The following CDH13 variants were observed in gnomAD, a reference collection of about 807,000 sequenced individuals.
CDH13 encodes the protein cadherin-13.
Under a neutral mutation model 63.8 loss-of-function variants are expected in CDH13, and 24 were observed. The ratio of observed to expected loss-of-function variants is 0.38; its 90% CI spans 0.27 to 0.53. The LOEUF is 0.53. CDH13 is among the 20% of genes least tolerant of loss of function. The probability of loss-of-function intolerance (pLI) is 0.85; values close to 1 mark genes in which losing one functional copy is unlikely to be tolerated. For missense variants in CDH13, 1,049 were observed against 903.1 expected, an observed-to-expected ratio of 1.16 and a Z score of -2.07; for synonymous variants, 503 against 355.3, an observed-to-expected ratio of 1.42 and a Z score of -4.67.
intron 1 of CDH13, among the ~76,000 whole-genome samples, chr16:82,664,746 G>A (rs1252178290): frequency 1.3e-5 from 2 of 152,180 alleles, no homozygotes; most frequent in East Asian, 3.8e-4. Flanking sequence ...ATGTAAAACT[G>A]AGGGTTTTCT....
At position 83,479,162 on chromosome 16, in the gene CDH13, A is replaced by G. The variant is rs375737985; in HGVS notation, c.782-7315A>G. On this transcript the variant is annotated intron_variant, in intron 6 of 13. Transcript: ENST00000567109. ...ATATGTGCACTCAACAGAAGTATCT[A>G]GGCTTGTCTAAGGGAAGAAAGGAAT... Among the ~76,000 whole-genome samples the G allele has an allele frequency of 6.6e-5, 10 of 152,366 alleles. No homozygotes were observed. In the South Asian group the frequency reaches 1.9e-3, roughly 28 times the overall value.
chr16:82,670,477 A>G (rs10451170), intron 1 of CDH13, among the ~76,000 whole-genome samples: 88,119 of 152,080 alleles, frequency 0.58, 25,704 homozygotes, highest in East Asian at 0.68. Flanking sequence ...AAAAGCTCAC[A>G]TGTAGAAGGA....
intron 2 of CDH13, among the ~76,000 whole-genome samples, chr16:82,942,536 C>T (rs1991023): frequency 0.29 from 44,462 of 151,992 alleles, 7,622 homozygotes; most frequent in African/African-American, 0.47. Context: ...AGCGGATGTG[C>T]CATTTAGGTG....
chr16:83,734,447 T>A (rs905641141), intron 10 of CDH13, among the ~76,000 whole-genome samples: 5 of 151,858 alleles, frequency 3.3e-5, no homozygotes. Context: ...ATGGATGAAA[T>A]TGGAAATCAT....
At chr16:83,472,910 C>A (rs996430708) in intron 6 of CDH13, among the ~76,000 whole-genome samples, 3 of 152,068 alleles carry the variant, frequency 2.0e-5, no homozygotes, top group Non-Finnish European at 4.4e-5. Context: ...TGAGTGGTGG[C>A]CTGATGGCTT....
chr16:83,159,803 G>T (rs137959144), intron 4 of CDH13, among the ~76,000 whole-genome samples: 2 of 152,250 alleles, frequency 1.3e-5, no homozygotes, highest in East Asian at 3.9e-4. Context: ...ACCTGGGCAC[G>T]GTGGGTCATG....
intron 5 of CDH13, among the ~76,000 whole-genome samples, chr16:83,261,107 G>C (rs1906933804): frequency 6.6e-6 from 1 of 152,168 alleles, no homozygotes; most frequent in South Asian, 2.1e-4. Context: ...CAGCCAAGGA[G>C]AACAGGGCAT....
At chr16:83,591,525 A>G (rs1480819222) in intron 7 of CDH13, among the ~76,000 whole-genome samples, 1 of 152,154 alleles carries the variant, frequency 6.6e-6, no homozygotes, top group Non-Finnish European at 1.5e-5. Context: ...ACTTTTGAGA[A>G]CTTGTGTCTC....
At chr16:83,320,839 C>A (rs1017763602) in intron 5 of CDH13, among the ~76,000 whole-genome samples, 11 of 152,038 alleles carry the variant, frequency 7.2e-5, no homozygotes, top group African/African-American at 2.2e-4. Context: ...GCTTAGGCTA[C>A]GAGAGTTGGA....
chr16:83,298,562 G>A (rs1021282629), intron 5 of CDH13, among the ~76,000 whole-genome samples: 1 of 152,130 alleles, frequency 6.6e-6, no homozygotes, highest in Admixed American at 6.6e-5. Context: ...GAATCAGTGG[G>A]TTAGAGCTTC....
At chr16:83,041,800 C>G (rs955465129) in intron 3 of CDH13, among the ~76,000 whole-genome samples, 20 of 152,180 alleles carry the variant, frequency 1.3e-4, no homozygotes, top group Admixed American at 7.2e-4. Flanking sequence ...CTCATCTGTA[C>G]AATGGACATA....
At chr16:83,596,287 C>T (rs753415680) in intron 7 of CDH13, among the ~76,000 whole-genome samples, 6 of 152,156 alleles carry the variant, frequency 3.9e-5, no homozygotes, top group Non-Finnish European at 8.8e-5. Context: ...TGAGTTTCCT[C>T]CCAAAACATT....
intron 2 of CDH13, among the ~76,000 whole-genome samples, chr16:82,899,373 A>C (rs576843896): frequency 6.6e-6 from 1 of 152,308 alleles, no homozygotes; most frequent in African/African-American, 2.4e-5. Context: ...ACAATACATC[A>C]ATGGTTTACG....
At chr16:83,243,107 A>G (rs1904630701) in intron 5 of CDH13, among the ~76,000 whole-genome samples, 1 of 152,216 alleles carries the variant, frequency 6.6e-6, no homozygotes, top group Admixed American at 6.5e-5. Context: ...ACTTGACTCC[A>G]GTGTCCAGGC....
At chr16:83,557,313 A>G (rs1245492567) in intron 7 of CDH13, among the ~76,000 whole-genome samples, 1 of 152,130 alleles carries the variant, frequency 6.6e-6, no homozygotes, top group Non-Finnish European at 1.5e-5. Flanking sequence ...TTATTTCATT[A>G]TACATTAGAA....
At chr16:83,054,501 C>G (rs1448219259) in intron 3 of CDH13, among the ~76,000 whole-genome samples, 1 of 152,118 alleles carries the variant, frequency 6.6e-6, no homozygotes, top group Non-Finnish European at 1.5e-5. Flanking sequence ...CCGGACAAAG[C>G]CATGATTCAT....
At chr16:83,367,572 CTG>C (rs1347135778) in intron 6 of CDH13, among the ~76,000 whole-genome samples, 1 of 152,182 alleles carries the variant, frequency 6.6e-6, no homozygotes, top group Non-Finnish European at 1.5e-5. Flanking sequence ...AACTGGCAGA[CTG>C]TGTTTCAAAG....
chr16:82,956,259 C>T (rs966462870), intron 2 of CDH13, among the ~76,000 whole-genome samples: 2 of 152,158 alleles, frequency 1.3e-5, no homozygotes, highest in African/African-American at 4.8e-5. Context: ...TTCTACTTCT[C>T]TCTGACAGAT....
At chr16:83,073,356 A>T (rs4448925) in intron 3 of CDH13, among the ~76,000 whole-genome samples, 46,825 of 108,254 alleles carry the variant, frequency 0.43, 7,477 homozygotes, top group Middle Eastern at 0.6. Context: ...TGTGTGTGTG[A>T]GAGAGAGAGA....
Sources: gnomAD v4.1 joint callset for allele counts (sites outside exome capture counted in the v4.1 genomes callset) on GRCh38, gnomAD v4.1.1 for gene constraint, MANE v1.5 for transcripts, NCBI Gene and HGNC (gene_info 2026-07-23, HGNC 2026-07-21) for gene names.